Variants in CFH observed in about 807,000 individuals in gnomAD.
The protein encoded by CFH is H factor 1 (complement).
A neutral mutation model predicts 147.3 loss-of-function variants in CFH; 53 were observed. That is an observed-to-expected ratio of 0.36 (90% CI 0.29 to 0.45). The LOEUF (loss-of-function observed/expected upper bound fraction) is 0.45. Ranked by LOEUF, CFH falls within the 20% of genes least tolerant of loss-of-function variation. The probability of loss-of-function intolerance (pLI) is 1.00; values close to 1 mark genes in which losing one functional copy is unlikely to be tolerated. For synonymous variants in CFH, 536 were observed against 489.4 expected (o/e 1.10, Z -1.26); for missense variants, 1,380 against 1,498.0 (o/e 0.92, Z 1.30).
intron 9 of CFH, among the ~76,000 whole-genome samples, chr1:196,700,569 A>T (rs1668419961): frequency 6.7e-6 from 1 of 150,354 alleles, no homozygotes; most frequent in Non-Finnish European, 1.5e-5. Context: ...CTGGAGAATC[A>T]CTTGAACCTG....
intron 15 of CFH, among the ~76,000 whole-genome samples, chr1:196,730,640 G>A (rs1669260074): frequency 6.6e-6 from 1 of 151,690 alleles, no homozygotes; most frequent in Non-Finnish European, 1.5e-5. Flanking sequence ...TTGATATTCT[G>A]TCTGGATGAT....
At chr1:196,683,074 A>G (rs1250698912) in intron 6 of CFH, among the ~76,000 whole-genome samples, 2 of 151,492 alleles carry the variant, frequency 1.3e-5, no homozygotes, top group African/African-American at 4.8e-5. Flanking sequence ...TGTGACAAGT[A>G]TGCAGGGCCC....
At chr1:196,669,464 A>G (rs1175480184) in intron 1 of CFH, among the ~76,000 whole-genome samples, 2 of 152,088 alleles carry the variant, frequency 1.3e-5, no homozygotes, top group Admixed American at 6.6e-5. Flanking sequence ...CCTGGGCCCC[A>G]CTGCTGTATG....
In CFH at chr1:196,728,442, G is replaced by C. The variant is rs767471170; in HGVS notation, c.2333G>C (p.Arg778Thr). 1.9e-6 allele frequency: 3 copies of C among 1,611,894 alleles called. No homozygotes were observed. Among genetic ancestry groups the C allele is most frequent in the Non-Finnish European group, 2.5e-6 (3 of 1,178,760 alleles). ...GAATTCGATCATAATTCTAACATAA[G>C]GTACAGATGTAGAGGAAAAGAAGGA... ...KKEFDHNSNIRYRCRGKEGWI... is the reference protein window; with the variant it reads ...KKEFDHNSNITYRCRGKEGWI... Residue 778 changes from arginine to threonine, a missense_variant, in exon 15 of 22, where the codon AGG becomes ACG. Around this residue, in one of 4 missense-constraint regions of CFH, gnomAD observed 830 missense variants for 821.4 expected, o/e 1.01. Coordinates refer to ENST00000367429, the MANE Select transcript of CFH (RefSeq NM_000186.4).
intron 17 of CFH, 141 bp from the exon 18 acceptor site, chr1:196,740,478 G>A: frequency 2.4e-6 from 2 of 828,750 alleles, no homozygotes; most frequent in Non-Finnish European, 3.7e-6. Context: ...CTAGTTTTAG[G>A]AAACATTTGT....
chr1:196,676,681 A>G (rs1667466903), intron 4 of CFH, among the ~76,000 whole-genome samples: 1 of 152,140 alleles, frequency 6.6e-6, no homozygotes, highest in Non-Finnish European at 1.5e-5. Flanking sequence ...TCCTAATTCC[A>G]CAGTGAGTGG....
intron 9 of CFH, 161 bp downstream of exon 9, chr1:196,690,400 A>G (rs1243465140): frequency 2.1e-6 from 2 of 945,844 alleles, no homozygotes; most frequent in East Asian, 5.0e-5. Flanking sequence ...GTATAAATGA[A>G]TATACAAATT....
chr1:196,663,605 G>A (rs1666978024), intron 1 of CFH, among the ~76,000 whole-genome samples: 2 of 151,900 alleles, frequency 1.3e-5, no homozygotes, highest in Non-Finnish European at 2.9e-5. Context: ...CCCGTATAAT[G>A]TCTTTGACAT....
At chr1:196,737,755 C>T in intron 17 of CFH, 95 bp downstream of exon 17, 1 of 900,048 alleles carries the variant, frequency 1.1e-6, no homozygotes. Flanking sequence ...GAGATTACTG[C>T]ATATATAAAA....
intron 6 of CFH, among the ~76,000 whole-genome samples, chr1:196,680,324 A>C (rs1309201432): frequency 6.6e-6 from 1 of 151,542 alleles, no homozygotes; most frequent in African/African-American, 2.4e-5. Flanking sequence ...AAAAAAAAAA[A>C]AAAACCTCTC....
In CFH at chr1:196,690,221, C is replaced by T. The variant is rs761518362; in HGVS notation, c.1318C>T (p.Pro440Ser). The change falls in exon 9 of 22, where the codon CCC becomes TCC. Residue 440 changes from proline to serine, a missense_variant. Transcript: ENST00000367429. ...TATGGAGAATGGCTGGTCTCCTACT[C>T]CCAGATGCATCCGTGTCAGTAAGTA... ...TCMENGWSPT[P>S]RCIRVKTCSK... is the part of the protein sequence containing the mutation. 6.2e-7 allele frequency: 1 copy of T among 1,613,374 alleles called. No homozygotes were observed. The highest frequency in any genetic ancestry group is 8.5e-7 in the Non-Finnish European group (1 of 1,179,576).
intron 11 of CFH, among the ~76,000 whole-genome samples, chr1:196,724,410 T>C (rs548336865): frequency 1.3e-5 from 2 of 152,168 alleles, no homozygotes; most frequent in South Asian, 4.1e-4. Flanking sequence ...TTTGGTGTAA[T>C]GCCCTCAAGA....
intron 1 of CFH, among the ~76,000 whole-genome samples, chr1:196,658,169 A>G (rs999456234): frequency 6.6e-6 from 1 of 151,978 alleles, no homozygotes; most frequent in Non-Finnish European, 1.5e-5. Flanking sequence ...TATAGTAAAA[A>G]CATTCCTACT....
chr1:196,739,617 A>G (rs1269994437), intron 17 of CFH, among the ~76,000 whole-genome samples: 1 of 152,176 alleles, frequency 6.6e-6, no homozygotes, highest in Non-Finnish European at 1.5e-5. Context: ...GGTCAAAGCC[A>G]TTCAACAAGC....
intron 15 of CFH, among the ~76,000 whole-genome samples, chr1:196,736,250 A>C (rs140250358): frequency 0.016 from 2,437 of 152,180 alleles, 32 homozygotes; most frequent in South Asian, 0.039. Context: ...CTAGTAAATA[A>C]AAGCTCTAGG....
At chr1:196,728,595 T>G in intron 15 of CFH, 73 bp downstream of exon 15, 8 of 1,440,174 alleles carry the variant, frequency 5.6e-6, no homozygotes, top group Non-Finnish European at 7.8e-6. Context: ...GTGTGTCTTT[T>G]AAAAACTTTA....
At chr1:196,678,933 T>C (rs1667550672) in intron 5 of CFH, 2 of 152,212 alleles carry the variant, frequency 1.3e-5, no homozygotes, top group African/African-American at 4.8e-5. Context: ...GAAGAACGCG[T>C]CTTTTATTCA....
chr1:196,742,956 C>CA (rs991712281), intron 19 of CFH, among the ~76,000 whole-genome samples: 37 of 152,114 alleles, frequency 2.4e-4, no homozygotes, highest in Middle Eastern at 3.2e-3. Flanking sequence ...GGGTAATTTT[C>CA]AAAATGTGTT....
chr1:196,701,532 G>T, intron 9 of CFH: 1 of 670,804 alleles, frequency 1.5e-6, no homozygotes. Context: ...GGGGCTGGTG[G>T]CTTTGAGATT....
Sources: gnomAD v4.1 joint callset for allele counts (sites outside exome capture counted in the v4.1 genomes callset) on GRCh38, gnomAD v4.1.1 for gene constraint, gnomAD v4.1.1 regional missense constraint, MANE v1.5 for transcripts, NCBI Gene and HGNC (gene_info 2026-07-23, HGNC 2026-07-21) for gene names.